The following TRIO variants were observed in gnomAD, a reference collection of about 807,000 sequenced individuals.
TRIO encodes trio Rho guanine nucleotide exchange factor, also known as triple functional domain protein.
Under a neutral mutation model 351.9 loss-of-function variants are expected in TRIO, and 58 were observed. The observed-to-expected ratio is 0.16, with a 90% CI of 0.13 to 0.21. The LOEUF (loss-of-function observed/expected upper bound fraction) is 0.21. TRIO is among the 10% of genes least tolerant of loss of function. The probability of loss-of-function intolerance (pLI) is 1.00; values close to 1 mark genes in which losing one functional copy is unlikely to be tolerated. For missense variants in TRIO, 3,201 were observed against 4,027.8 expected (o/e 0.79, Z 5.56); for synonymous variants, 1,758 against 1,595.7 (o/e 1.10, Z -2.42).
intron 13 of TRIO, among the ~76,000 whole-genome samples, chr5:14,362,737 C>A (rs1426246266): frequency 6.6e-6 from 1 of 152,190 alleles, no homozygotes; most frequent in Non-Finnish European, 1.5e-5. Flanking sequence ...TGTCTAATCC[C>A]ACTTCCCTCG....
intron 34 of TRIO, among the ~76,000 whole-genome samples, chr5:14,431,968 C>T (rs1397725971): frequency 6.6e-6 from 1 of 152,196 alleles, no homozygotes; most frequent in Non-Finnish European, 1.5e-5. Flanking sequence ...TAATCACCTC[C>T]TTAAAAGACC....
intron 23 of TRIO, 24 bp from the exon 24 acceptor site, chr5:14,388,589 C>T: frequency 6.2e-7 from 1 of 1,607,168 alleles, no homozygotes; most frequent in Non-Finnish European, 8.5e-7. Flanking sequence ...TGACTGTACT[C>T]CTCACTGTCT....
chr5:14,273,561 CA>C (rs1735219799), intron 2 of TRIO, among the ~76,000 whole-genome samples: 1 of 152,192 alleles, frequency 6.6e-6, no homozygotes, highest in Admixed American at 6.5e-5. Flanking sequence ...CTTTAAGAGG[CA>C]ATTAGGCCAT....
At chr5:14,203,475 T>G (rs1791264600) in intron 1 of TRIO, among the ~76,000 whole-genome samples, 1 of 152,250 alleles carries the variant, frequency 6.6e-6, no homozygotes, top group East Asian at 1.9e-4. Context: ...ACAGACCATG[T>G]TTCCTGGTCA....
intron 7 of TRIO, among the ~76,000 whole-genome samples, chr5:14,300,974 A>G (rs1379893939): frequency 7.9e-5 from 12 of 152,094 alleles, no homozygotes; most frequent in Admixed American, 7.2e-4. Context: ...AGGCTCCGTC[A>G]AGAGGTGGCG....
chr5:14,291,236 C>CG lies in TRIO; in HGVS notation c.1053+13dup. The CG allele has an allele frequency of 6.2e-7, 1 of 1,607,786 alleles. No homozygotes were observed. ...GAACAGGATGCTGAGAAGGTAAAGA[C>CG]GGGGGAGGCTAATGCCTCAGTGGAC... is the stretch of plus-strand genomic sequence containing the variant. On this transcript the variant is annotated intron_variant, in intron 5 of 56. Transcript: ENST00000344204.
At chr5:14,410,045 T>C (rs1749066243) in intron 33 of TRIO, among the ~76,000 whole-genome samples, 1 of 152,178 alleles carries the variant, frequency 6.6e-6, no homozygotes, top group Non-Finnish European at 1.5e-5. Context: ...ATTTTCTTAA[T>C]GCCACTTGCT....
chr5:14,476,110 C>A (rs561259971), intron 40 of TRIO, among the ~76,000 whole-genome samples: 1 of 152,178 alleles, frequency 6.6e-6, no homozygotes, highest in African/African-American at 2.4e-5. Context: ...AAAGCTGGCA[C>A]AGGTAACATA....
chr5:14,362,230 G>T (rs1165853933), intron 13 of TRIO, among the ~76,000 whole-genome samples: 4 of 152,186 alleles, frequency 2.6e-5, no homozygotes, highest in Non-Finnish European at 5.9e-5. Context: ...AAGCTTCTTT[G>T]GTTATGGCTG....
At chr5:14,234,812 A>T (rs1347077013) in intron 1 of TRIO, among the ~76,000 whole-genome samples, 5 of 152,334 alleles carry the variant, frequency 3.3e-5, no homozygotes, top group African/African-American at 9.6e-5. Flanking sequence ...AAAGTACTTT[A>T]TTTGCAAAAA....
chr5:14,506,887 G>A (rs1054173688), intron 55 of TRIO, among the ~76,000 whole-genome samples: 14 of 152,108 alleles, frequency 9.2e-5, no homozygotes, highest in Non-Finnish European at 2.1e-4. Flanking sequence ...TGACTGTGCC[G>A]CTCTACCACC....
rs753652108 is a variant in TRIO at position 14,364,748 on chromosome 5, G to A, written c.2686G>A (p.Ala896Thr). 3.4e-5 allele frequency: 55 copies of A among 1,612,710 alleles called. 1 individual carries two copies. The highest frequency in any genetic ancestry group is 2.0e-4 in the Middle Eastern group (1 of 4,884). Reference protein sequence around the residue: ...HEKQQELDLAAEQHRKHLEQC... With the variant: ...HEKQQELDLATEQHRKHLEQC... ...AAAACAGCAGGAATTGGATTTAGCC[G>A]CAGAGCAGCATCGGAAACACCTGGA... The change falls in exon 15 of 57, where the codon GCA becomes ACA. Residue 896 changes from alanine to threonine, a missense_variant. Physicochemically the swap from Ala to Thr is moderately conservative, Grantham distance 58. Around this residue, in one of 19 missense-constraint regions of TRIO, gnomAD observed 363 missense variants for 553.5 expected, o/e 0.66. Coordinates refer to ENST00000344204, the MANE Select transcript of TRIO (RefSeq NM_007118.4).
At chr5:14,477,132 G>A (rs1416128638) in intron 41 of TRIO, 169 bp downstream of exon 41, 4 of 596,462 alleles carry the variant, frequency 6.7e-6, no homozygotes, top group Non-Finnish European at 1.1e-5. Flanking sequence ...TCTTCAACAT[G>A]AGTTACCTGC....
chr5:14,162,635 T>C (rs1027689280), intron 1 of TRIO, among the ~76,000 whole-genome samples: 4 of 152,196 alleles, frequency 2.6e-5, no homozygotes, highest in Admixed American at 6.5e-5. Context: ...GTCTTCCTTA[T>C]TATTTTGATA....
chr5:14,360,955 G>C (rs1425476331), intron 13 of TRIO, among the ~76,000 whole-genome samples: 4 of 152,188 alleles, frequency 2.6e-5, no homozygotes, highest in African/African-American at 9.7e-5. Context: ...ATGTGGAGAA[G>C]AGGCACCTGC....
chr5:14,446,997 G>A lies in TRIO; in HGVS notation c.5204-14022G>A, dbSNP rs549213246. 5.9e-5 allele frequency among the ~76,000 whole-genome samples: 9 copies of A among 152,186 alleles called. No homozygotes were observed. In the South Asian group the frequency reaches 1.2e-3, roughly 21 times the overall value. On this transcript the variant is annotated intron_variant, in intron 34 of 56. Transcript: ENST00000344204. ...TGTAATCCCAATACTTTGGGAGGCC[G>A]AGGTGGGCAGATCACTTGAGGCCAG...
chr5:14,495,658 GAAAAAA>G (rs56018324), intron 49 of TRIO, among the ~76,000 whole-genome samples: 20 of 32,596 alleles, frequency 6.1e-4, no homozygotes, highest in South Asian at 2.5e-3. Flanking sequence ...GTCTCTACTA[GAAAAAA>G]AAAAAAAAAA....
At chr5:14,366,045 C>G (rs1744565361) in intron 15 of TRIO, among the ~76,000 whole-genome samples, 1 of 152,128 alleles carries the variant, frequency 6.6e-6, no homozygotes, top group Non-Finnish European at 1.5e-5. Context: ...TGTTTAAGCC[C>G]TCTTCCAAAG....
rs181101411 is a variant in TRIO at position 14,433,214 on chromosome 5, A to G, written c.5203+13193A>G. On this transcript the variant is annotated intron_variant, in intron 34 of 56. Coordinates refer to ENST00000344204, the MANE Select transcript of TRIO (RefSeq NM_007118.4). Reference sequence around the variant, plus strand: ...TTGTGAAAAGATAGTAAATAAAGCAATGAAAAGGAGCCTATCGAATTCTTG... The same window carrying G: ...TTGTGAAAAGATAGTAAATAAAGCAGTGAAAAGGAGCCTATCGAATTCTTG... Among the ~76,000 whole-genome samples the G allele has an allele frequency of 1.7e-3, 260 of 152,366 alleles. 1 individual carries two copies. The highest frequency in any genetic ancestry group is 6.0e-3 in the African/African-American group (250 of 41,578).
Sources: gnomAD v4.1 joint callset for allele counts (sites outside exome capture counted in the v4.1 genomes callset) on GRCh38, gnomAD v4.1.1 for gene constraint, gnomAD v4.1.1 regional missense constraint, MANE v1.5 for transcripts, NCBI Gene and HGNC (gene_info 2026-07-23, HGNC 2026-07-21) for gene names.